Variants in ZNF385D observed in about 807,000 individuals in gnomAD.
The protein encoded by ZNF385D is zinc finger protein 659.
In ZNF385D, 15 loss-of-function variants were observed where a neutral mutation model predicts 35.8. The observed-to-expected ratio is 0.42, with a 90% confidence interval of 0.28 to 0.64. The LOEUF (loss-of-function observed/expected upper bound fraction) is 0.64, where lower values mean the gene tolerates loss of function less well. Among genes scored for constraint, ZNF385D ranks in the 30% least tolerant of loss-of-function variants. The probability of loss-of-function intolerance (pLI) is 0.23; values close to 1 mark genes in which losing one functional copy is unlikely to be tolerated. For synonymous variants in ZNF385D, 212 were observed against 186.8 expected (o/e 1.13, Z -1.10); for missense variants, 474 against 494.6 (o/e 0.96, Z 0.39).
At chr3:22,008,321 A>G (rs1696344219) in intron 3 of ZNF385D, among the ~76,000 whole-genome samples, 1 of 151,890 alleles carries the variant, frequency 6.6e-6, no homozygotes, top group Non-Finnish European at 1.5e-5. Flanking sequence ...GCAAAGTTCA[A>G]CAGATTTAAA....
At chr3:21,490,360 C>A (rs1705338556) in intron 4 of ZNF385D, among the ~76,000 whole-genome samples, 1 of 151,184 alleles carries the variant, frequency 6.6e-6, no homozygotes, top group African/African-American at 2.4e-5. Context: ...TATTCCAATC[C>A]AAAAAAAAAT....
intron 2 of ZNF385D, among the ~76,000 whole-genome samples, chr3:22,185,554 G>A (rs1056707006): frequency 3.3e-5 from 5 of 152,024 alleles, no homozygotes; most frequent in East Asian, 1.9e-4. Flanking sequence ...TGCAACCTCC[G>A]CCTCCCGGGT....
intron 3 of ZNF385D, among the ~76,000 whole-genome samples, chr3:22,000,694 T>C (rs1362450427): frequency 6.6e-6 from 1 of 151,610 alleles, no homozygotes; most frequent in Non-Finnish European, 1.5e-5. Flanking sequence ...AACAGACTAA[T>C]AGCAGATTAA....
chr3:22,303,208 C>T (rs1214186009), intron 2 of ZNF385D, among the ~76,000 whole-genome samples: 2 of 152,120 alleles, frequency 1.3e-5, no homozygotes, highest in Admixed American at 6.6e-5. Flanking sequence ...CTTGCAGCTA[C>T]ATGTATTGTG....
chr3:21,724,438 T>C (rs1432514657), intron 1 of ZNF385D, among the ~76,000 whole-genome samples: 2 of 82,468 alleles, frequency 2.4e-5, no homozygotes, highest in African/African-American at 9.6e-5. Context: ...AGGCTCAAAA[T>C]AAAGGGATGC....
At chr3:21,838,345 T>A (rs1411170739) in intron 3 of ZNF385D, among the ~76,000 whole-genome samples, 1 of 151,576 alleles carries the variant, frequency 6.6e-6, no homozygotes, top group East Asian at 1.9e-4. Context: ...TAGTTATGTA[T>A]GGTATATATG....
intron 2 of ZNF385D, among the ~76,000 whole-genome samples, chr3:22,241,758 A>T (rs2125314689): frequency 6.6e-6 from 1 of 151,044 alleles, no homozygotes; most frequent in East Asian, 2.0e-4. Context: ...ACCTAAAAAA[A>T]ACCTTTTTTT....
chr3:21,802,797 G>C (rs905212345), intron 3 of ZNF385D, among the ~76,000 whole-genome samples: 1 of 152,110 alleles, frequency 6.6e-6, no homozygotes, highest in Non-Finnish European at 1.5e-5. Context: ...CTGTCTGCCT[G>C]TCTAACTGGG....
At chr3:21,592,543 C>A (rs1205931551) in intron 2 of ZNF385D, among the ~76,000 whole-genome samples, 971 of 124,486 alleles carry the variant, frequency 7.8e-3, no homozygotes, top group African/African-American at 8.4e-3. Flanking sequence ...GTCTTCATGG[C>A]AAAAAAAAAA....
chr3:21,853,578 G>GA lies in ZNF385D; in HGVS notation c.326-188551dup, dbSNP rs1326654025. Among the ~76,000 whole-genome samples, 5 of 149,238 alleles carry GA rather than the reference G, an allele frequency of 3.4e-5. No individual in the cohort carries two copies. The East Asian group carries it at 9.9e-4, about 30-fold the overall frequency. On this transcript the variant is annotated intron_variant, in intron 3 of 5. Coordinates refer to the ZNF385D transcript ENST00000494108. ...AAATGCCTCAGTACGTAATTGTGGG[G>GA]AAAAAAATGAAGTGGACCCGAACAA...
intron 4 of ZNF385D, chr3:21,459,376 T>C (rs1703026027): frequency 1.3e-5 from 2 of 152,292 alleles, no homozygotes; most frequent in South Asian, 2.1e-4. Context: ...ATCTGGAATA[T>C]GGTAAGCTCC....
chr3:21,567,096 A>G (rs941425426), intron 2 of ZNF385D, among the ~76,000 whole-genome samples: 5 of 146,730 alleles, frequency 3.4e-5, no homozygotes, highest in Admixed American at 1.3e-4. Context: ...TCCATTTGCC[A>G]TTGATGAACA....
chr3:21,479,352 T>A (rs549985915), intron 4 of ZNF385D, among the ~76,000 whole-genome samples: 90 of 152,180 alleles, frequency 5.9e-4, no homozygotes, highest in Middle Eastern at 3.4e-3. Context: ...TAACACATGT[T>A]ATGATGTGTT....
intron 3 of ZNF385D, among the ~76,000 whole-genome samples, chr3:22,032,489 G>T (rs1465649811): frequency 6.6e-6 from 1 of 152,102 alleles, no homozygotes; most frequent in Non-Finnish European, 1.5e-5. Context: ...CACCCACCAG[G>T]TTCTTCCCTT....
rs543653447 is a variant in ZNF385D, at chr3:22,336,006, T to C, written c.106+36444A>G. 5.1e-3 allele frequency among the ~76,000 whole-genome samples: 778 copies of C among 152,182 alleles called. 9 individuals carry two copies. The highest frequency in any genetic ancestry group is 4.4e-3 in the Non-Finnish European group (302 of 67,932). ...CATGTACTCAGTATTCAGAGTCCAC[T>C]AAAACAATTCAATTCTATTCAAAAA... On this transcript the variant is annotated intron_variant, in intron 2 of 5. Coordinates refer to the ZNF385D transcript ENST00000494108.
At chr3:22,265,399 T>C (rs981048186) in intron 2 of ZNF385D, among the ~76,000 whole-genome samples, 9 of 152,028 alleles carry the variant, frequency 5.9e-5, no homozygotes, top group East Asian at 1.9e-4. Flanking sequence ...TGAAACATTA[T>C]TGGCAAATGA....
At chr3:21,909,938 G>T (rs79615421) in intron 3 of ZNF385D, among the ~76,000 whole-genome samples, 10,252 of 152,026 alleles carry the variant, frequency 0.067, 456 homozygotes, top group South Asian at 0.21. Flanking sequence ...ACAACAAATT[G>T]CTTTTGTAAC....
chr3:21,824,397 C>T (rs778217179), intron 3 of ZNF385D, among the ~76,000 whole-genome samples: 33 of 152,126 alleles, frequency 2.2e-4, no homozygotes, highest in Admixed American at 1.6e-3. Context: ...TATAAAATCA[C>T]TTCTATCTCA....
chr3:21,481,476 C>T (rs997310487), intron 4 of ZNF385D, among the ~76,000 whole-genome samples: 3 of 152,094 alleles, frequency 2.0e-5, no homozygotes, highest in African/African-American at 7.2e-5. Context: ...TTTGTACAAC[C>T]CCAATGGCTG....
Sources: allele counts gnomAD v4.1 joint callset (sites outside exome capture counted in the v4.1 genomes callset), GRCh38; gene constraint gnomAD v4.1.1; transcripts MANE v1.5; gene names NCBI Gene and HGNC (gene_info 2026-07-23, HGNC 2026-07-21).